The following SVIL variants were observed in gnomAD, a reference collection of about 807,000 sequenced individuals.
The protein encoded by SVIL is supervillin.
A neutral mutation model predicts 240.4 loss-of-function variants in SVIL; 101 were observed. The ratio of observed to expected loss-of-function variants is 0.42; its 90% CI spans 0.36 to 0.50. The LOEUF is 0.50. SVIL is among the 20% of genes least tolerant of loss of function. The pLI is 0.01. For missense variants in SVIL, 2,512 were observed against 2,818.7 expected, an observed-to-expected ratio of 0.89 and a Z score of 2.46; for synonymous variants, 999 against 1,100.0, an observed-to-expected ratio of 0.91 and a Z score of 1.82.
chr10:29,563,930 A>T (rs1208047416), intron 2 of SVIL, among the ~76,000 whole-genome samples: 1 of 148,268 alleles, frequency 6.7e-6, no homozygotes, highest in Non-Finnish European at 1.5e-5. Flanking sequence ...GCTTTCCCCC[A>T]TGTATCTCCT....
intron 2 of SVIL, among the ~76,000 whole-genome samples, chr10:29,666,007 A>G (rs1959255974): frequency 1.3e-5 from 2 of 152,200 alleles, no homozygotes; most frequent in South Asian, 4.1e-4. Flanking sequence ...TTCTGGATGC[A>G]TGTTACCAAG....
In SVIL at chr10:29,484,004, G is replaced by C. The variant is rs554753024; in HGVS notation, c.4955+652C>G. 1.5e-4 allele frequency: 23 copies of C among 151,952 alleles called. No homozygotes were observed. In the South Asian group the frequency reaches 4.8e-3, roughly 32 times the overall value. The allele number at this position is 151,952 out of a possible 1,614,324, so 9.4% of individuals were successfully genotyped here. A position where few individuals can be genotyped will look rare whatever the true frequency, so the allele number is the denominator to read the frequency against. On this transcript the variant is annotated intron_variant, in intron 27 of 37. Transcript: ENST00000355867. The surrounding 1 kb of genome is among the most constrained non-coding windows in gnomAD (Gnocchi z 4.7). ...CTAGTTTTTTTTTGGTCTGATAGTTGAAAAAACAACAATCCTTTGCACGTA... is the reference window on the plus strand; with the variant it reads ...CTAGTTTTTTTTTGGTCTGATAGTTCAAAAAACAACAATCCTTTGCACGTA...
At chr10:29,545,623 G>A (rs1045259099) in intron 6 of SVIL, among the ~76,000 whole-genome samples, 3 of 152,140 alleles carry the variant, frequency 2.0e-5, no homozygotes, top group Middle Eastern at 6.8e-3. Flanking sequence ...TTAGGACGCC[G>A]AGGTGGGCGT....
At chr10:29,506,843 G>A (rs1359323559) in intron 17 of SVIL, among the ~76,000 whole-genome samples, 2 of 151,686 alleles carry the variant, frequency 1.3e-5, no homozygotes, top group African/African-American at 4.8e-5. Context: ...CCCTAGGAGG[G>A]AAGGGACAGA....
At chr10:29,637,197 AAGTT>A (rs1645279991), upstream of SVIL, among the ~76,000 whole-genome samples, 1 of 152,166 alleles carries the variant, frequency 6.6e-6, no homozygotes, top group South Asian at 2.1e-4. Flanking sequence ...AAGAAGAAAA[AAGTT>A]AGTCTGGGCG....
chr10:29,621,709 C>T (rs988992670), intron 1 of SVIL, among the ~76,000 whole-genome samples: 1 of 152,194 alleles, frequency 6.6e-6, no homozygotes, highest in Non-Finnish European at 1.5e-5. Flanking sequence ...GGTCTGGCCT[C>T]TTCTTGATCC....
At chr10:29,566,753 G>A (rs1431157377) in intron 2 of SVIL, among the ~76,000 whole-genome samples, 5 of 132,712 alleles carry the variant, frequency 3.8e-5, no homozygotes, top group African/African-American at 5.3e-5. Flanking sequence ...GCCCCCCAGC[G>A]GGAGACTGGT....
chr10:29,533,964 T>C (rs1051020964), intron 7 of SVIL, among the ~76,000 whole-genome samples: 5 of 152,258 alleles, frequency 3.3e-5, no homozygotes, highest in African/African-American at 1.2e-4. Context: ...ATGCTTTTTA[T>C]TTAGTTCAAG....
intron 1 of SVIL, among the ~76,000 whole-genome samples, chr10:29,726,255 A>T (rs899826890): frequency 1.3e-5 from 2 of 152,136 alleles, no homozygotes; most frequent in African/African-American, 2.4e-5. Flanking sequence ...ATGGCTCTCC[A>T]GGCTTCCTAT....
chr10:29,550,864 A>G lies in SVIL; in HGVS notation c.560T>C (p.Leu187Pro). The G allele has an allele frequency of 6.2e-7, 1 of 1,613,862 alleles. No homozygotes were observed. Among genetic ancestry groups the G allele is most frequent in the Non-Finnish European group, 8.5e-7 (1 of 1,179,954 alleles). ...TCAGESKDYA[L>P]HVGDGSSDPE... The stretch of plus-strand genomic sequence containing the variant: ...GTCGGAAGAGCCGTCACCCACATGG[A>G]GGGCATAGTCCTTGGATTCACCGGC... Residue 187 changes from leucine (L) to proline (P), a missense_variant, in exon 6 of 38, where the codon CTC (leucine) becomes CCC (proline). Around this residue, in one of 3 missense-constraint regions of SVIL, gnomAD observed 1,443 missense variants for 1,486.6 expected, o/e 0.97. Coordinates refer to ENST00000355867, the MANE Select transcript of SVIL (RefSeq NM_021738.3).
intron 1 of SVIL, among the ~76,000 whole-genome samples, chr10:29,729,210 C>T (rs1964459791): frequency 6.6e-6 from 1 of 152,120 alleles, no homozygotes. Flanking sequence ...AACATAGTCA[C>T]CACTATCAAG....
chr10:29,534,171 C>A, intron 7 of SVIL, among the ~76,000 whole-genome samples: 1 of 152,280 alleles, frequency 6.6e-6, no homozygotes, highest in South Asian at 2.1e-4. Context: ...CCACCACCAT[C>A]CCCCTGTCCT....
At chr10:29,636,882 C>T (rs1424928254), upstream of SVIL, among the ~76,000 whole-genome samples, 1 of 152,164 alleles carries the variant, frequency 6.6e-6, no homozygotes, top group African/African-American at 2.4e-5. Context: ...TGGCTCACTG[C>T]AGCCTCAACC....
At chr10:29,515,859 A>G (rs550651385) in intron 16 of SVIL, among the ~76,000 whole-genome samples, 1 of 152,244 alleles carries the variant, frequency 6.6e-6, no homozygotes, top group South Asian at 2.1e-4. Context: ...ACTGACTTAG[A>G]AAAACACAAG....
intron 36 of SVIL, among the ~76,000 whole-genome samples, chr10:29,459,138 G>A (rs1000984918): frequency 5.3e-5 from 8 of 151,012 alleles, no homozygotes; most frequent in African/African-American, 1.9e-4. Flanking sequence ...TAGAGACAGT[G>A]TCTCACTGTA....
chr10:29,544,075 T>G (rs908983152), intron 6 of SVIL, among the ~76,000 whole-genome samples: 1 of 152,216 alleles, frequency 6.6e-6, no homozygotes, highest in African/African-American at 2.4e-5. Context: ...TAGTATATAA[T>G]GATCAGCTTT....
At chr10:29,605,598 TTAATA>T (rs1956989345) in intron 1 of SVIL, among the ~76,000 whole-genome samples, 1 of 151,902 alleles carries the variant, frequency 6.6e-6, no homozygotes, top group Non-Finnish European at 1.5e-5. Flanking sequence ...AATGTCTATA[TTAATA>T]TATTAGCCAT....
rs1946751262 is a variant in SVIL at position 29,480,821 on chromosome 10, G to A, written c.5101-8C>T. Reference sequence around the variant, plus strand: ...ATCAGTCCTGGGGTCTTCCTACAGGGGAACACAAAGACATCAGTTCAGTTG... The same window carrying A: ...ATCAGTCCTGGGGTCTTCCTACAGGAGAACACAAAGACATCAGTTCAGTTG... On this transcript the variant is annotated splice_region_variant and splice_polypyrimidine_tract_variant and intron_variant, in intron 28 of 37. Transcript: ENST00000355867. 1.3e-6 allele frequency: 2 copies of A among 1,597,066 alleles called. No homozygotes were observed. Among genetic ancestry groups the A allele is most frequent in the East Asian group, 4.5e-5 (2 of 44,624 alleles).
At chr10:29,542,655 T>C (rs1952269139) in intron 6 of SVIL, among the ~76,000 whole-genome samples, 1 of 152,242 alleles carries the variant, frequency 6.6e-6, no homozygotes, top group African/African-American at 2.4e-5. Flanking sequence ...CCCTTAAGTA[T>C]TTATTCTTTG....
Sources: allele counts gnomAD v4.1 joint callset (sites outside exome capture counted in the v4.1 genomes callset), GRCh38; gene constraint gnomAD v4.1.1; regional missense constraint gnomAD v4.1.1; non-coding constraint Gnocchi (gnomAD v3.1); transcripts MANE v1.5; gene names NCBI Gene and HGNC (gene_info 2026-07-23, HGNC 2026-07-21).